CALD1: variants seen among roughly 807,000 people sequenced by gnomAD.
CALD1 encodes the protein caldesmon 1.
Under a neutral mutation model 99.9 loss-of-function variants are expected in CALD1, and 33 were observed. The observed-to-expected ratio is 0.33, with a 90% confidence interval of 0.25 to 0.44. The LOEUF (loss-of-function observed/expected upper bound fraction) is 0.44. Among genes scored for constraint, CALD1 ranks in the 20% least tolerant of loss-of-function variants. The probability of loss-of-function intolerance (pLI) is 1.00; values close to 1 mark genes in which losing one functional copy is unlikely to be tolerated. For missense variants in CALD1, 861 were observed against 962.1 expected (o/e 0.89, Z 1.39); for synonymous variants, 310 against 325.0 (o/e 0.95, Z 0.50).
At chr7:134,714,127 G>A in the CALD1 span, among the ~76,000 whole-genome samples, 6,846 of 152,098 alleles carry the variant, frequency 0.045, 322 homozygotes, top group African/African-American at 0.11. Flanking sequence ...ATCTTCTGCC[G>A]TGATTGAAAG....
At chr7:134,815,176 C>T (rs10256231) in intron 1 of CALD1, among the ~76,000 whole-genome samples, 19 of 152,134 alleles carry the variant, frequency 1.2e-4, no homozygotes, top group Non-Finnish European at 2.5e-4. Context: ...ATTGCTGCAA[C>T]TCTAGCTGGC....
Position 134,779,809 on chromosome 7 carries a change from C to T in CALD1, c.-130+60C>T, listed in dbSNP as rs1057161622. ...GAGAGAATCTGGGGACTTTCTCCGG[C>T]TTTCAGTCAACATTCCTGGCTAAGG... On this transcript the variant is annotated intron_variant, in intron 1 of 14. Coordinates refer to ENST00000361675, the MANE Select transcript of CALD1 (RefSeq NM_033138.4). 7 of 397,572 alleles carry T rather than the reference C, an allele frequency of 1.8e-5. No individual in the cohort carries two copies. The East Asian group carries it at 2.1e-4, about 12-fold the overall frequency. 24.6% of individuals were successfully genotyped at this position (397,572 alleles called of 1,614,324 possible).
chr7:134,854,362 T>G (rs1259335640), intron 2 of CALD1, among the ~76,000 whole-genome samples: 2 of 152,252 alleles, frequency 1.3e-5, no homozygotes, highest in African/African-American at 4.8e-5. Flanking sequence ...CTCCACATCC[T>G]CACCAGCATC....
intron 1 of CALD1, among the ~76,000 whole-genome samples, chr7:134,836,339 T>G (rs555938318): frequency 6.6e-6 from 1 of 152,048 alleles, no homozygotes; most frequent in Non-Finnish European, 1.5e-5. Context: ...ACTGCATCCA[T>G]TGGAAAATTT....
At chr7:134,899,321 A>G (rs547796786) in intron 3 of CALD1, among the ~76,000 whole-genome samples, 1 of 151,236 alleles carries the variant, frequency 6.6e-6, no homozygotes, top group South Asian at 2.1e-4. Context: ...CTCCTGCCTC[A>G]GCCTCCTGAG....
At chr7:134,947,935 G>C (rs1323596196) in intron 8 of CALD1, 166 bp downstream of exon 8, 2 of 792,646 alleles carry the variant, frequency 2.5e-6, no homozygotes, top group Non-Finnish European at 3.9e-6. Flanking sequence ...TTTGTCCACT[G>C]CTTCTAAGAA....
At chr7:134,838,670 T>C (rs1047290303) in intron 1 of CALD1, among the ~76,000 whole-genome samples, 11 of 152,216 alleles carry the variant, frequency 7.2e-5, no homozygotes, top group African/African-American at 2.7e-4. Flanking sequence ...AATTTAGAAA[T>C]AACTGGCCAA....
At chr7:134,791,345 C>A (rs146848942) in intron 1 of CALD1, among the ~76,000 whole-genome samples, 1 of 152,174 alleles carries the variant, frequency 6.6e-6, no homozygotes, top group South Asian at 2.1e-4. Flanking sequence ...TATAGGCACA[C>A]GCCACCATGC....
At chr7:134,789,838 C>T (rs1295763080) in intron 1 of CALD1, among the ~76,000 whole-genome samples, 1 of 152,122 alleles carries the variant, frequency 6.6e-6, no homozygotes, top group Non-Finnish European at 1.5e-5. Context: ...GTCTCTGAAG[C>T]ACGAACCTCG....
chr7:134,820,921 T>C lies in CALD1; in HGVS notation c.-129-22963T>C, dbSNP rs1298427125. Among the ~76,000 whole-genome samples the C allele has an allele frequency of 2.0e-5, 3 of 152,234 alleles. No individual in the cohort carries two copies. The East Asian group carries it at 5.8e-4, about 29-fold the overall frequency. On this transcript the variant is annotated intron_variant, in intron 1 of 14. Coordinates refer to ENST00000361675, the MANE Select transcript of CALD1 (RefSeq NM_033138.4). ...GATACATTCCTTAGAAAAATTTTAA[T>C]GGTAACATGAAACCACAGTAAACAG...
chr7:134,835,828 A>G (rs1799411640), intron 1 of CALD1, among the ~76,000 whole-genome samples: 2 of 152,142 alleles, frequency 1.3e-5, no homozygotes, highest in Non-Finnish European at 2.9e-5. Context: ...TATATGCTGG[A>G]GGCTGTGCTA....
At chr7:134,960,193 A>G in intron 12 of CALD1, 82 bp downstream of exon 12, 1 of 1,473,862 alleles carries the variant, frequency 6.8e-7, no homozygotes. Flanking sequence ...TCACACTAGT[A>G]AATAATAAAA....
chr7:134,938,088 T>G (rs934872211), intron 6 of CALD1, among the ~76,000 whole-genome samples: 2 of 152,168 alleles, frequency 1.3e-5, no homozygotes, highest in African/African-American at 2.4e-5. Context: ...AAATGCAGAA[T>G]CTGATTCCAT....
intron 1 of CALD1, among the ~76,000 whole-genome samples, chr7:134,806,305 C>T (rs1347357483): frequency 6.6e-6 from 1 of 151,538 alleles, no homozygotes; most frequent in African/African-American, 2.4e-5. Context: ...GGGTTTTTCT[C>T]CCCCCAGCCC....
At chr7:134,854,202 A>G (rs1800203173) in intron 2 of CALD1, among the ~76,000 whole-genome samples, 1 of 152,122 alleles carries the variant, frequency 6.6e-6, no homozygotes. Context: ...TAGTAGAATG[A>G]TTTATAATCC....
At chr7:134,786,595 T>C (rs994062867) in intron 1 of CALD1, among the ~76,000 whole-genome samples, 12 of 152,202 alleles carry the variant, frequency 7.9e-5, no homozygotes, top group African/African-American at 2.9e-4. Flanking sequence ...CAGGAACCTC[T>C]ATTTTTTTTT....
At chr7:134,857,877 T>A (rs909765515) in intron 2 of CALD1, among the ~76,000 whole-genome samples, 2 of 152,152 alleles carry the variant, frequency 1.3e-5, no homozygotes, top group Admixed American at 6.5e-5. Context: ...GTCCTTCACA[T>A]ACAAAAATAC....
In CALD1 at chr7:134,951,601, G is replaced by C. The variant is rs558240219; in HGVS notation, c.1935+1087G>C. 3.9e-5 allele frequency among the ~76,000 whole-genome samples: 6 copies of C among 152,280 alleles called. No individual in the cohort carries two copies. In the East Asian group the frequency reaches 9.7e-4, roughly 24 times the overall value. The stretch of plus-strand genomic sequence containing the variant: ...AGGAGGTGAAATGTGACTTGGAAAG[G>C]GTCCTTTTCCAGGATGGCTTTGGTC... On this transcript the variant is annotated intron_variant, in intron 9 of 14. Coordinates refer to ENST00000361675, the MANE Select transcript of CALD1 (RefSeq NM_033138.4).
intron 3 of CALD1, among the ~76,000 whole-genome samples, chr7:134,900,499 C>T (rs775557535): frequency 7.2e-5 from 11 of 152,054 alleles, no homozygotes; most frequent in Non-Finnish European, 1.3e-4. Context: ...GGTGTAGCTG[C>T]GCTGCAGGTT....
Sources: gnomAD v4.1 joint callset for allele counts (sites outside exome capture counted in the v4.1 genomes callset) on GRCh38, gnomAD v4.1.1 for gene constraint, MANE v1.5 for transcripts, NCBI Gene and HGNC (gene_info 2026-07-23, HGNC 2026-07-21) for gene names.